Variants in ZNF701 observed in about 807,000 individuals in gnomAD.
ZNF701 encodes zinc finger protein 701.
A neutral mutation model predicts 7.1 loss-of-function variants in ZNF701; 6 were observed. The ratio of observed to expected loss-of-function variants is 0.84; its 90% confidence interval spans 0.46 to 1.66. ZNF701 has a LOEUF of 1.66. ZNF701 is among the 40% of genes most tolerant of loss of function. The probability of loss-of-function intolerance (pLI) is 0.01; values close to 1 mark genes in which losing one functional copy is unlikely to be tolerated. For missense variants in ZNF701, 541 were observed against 559.2 expected, an observed-to-expected ratio of 0.97 and a Z score of 0.33; for synonymous variants, 166 against 188.2, an observed-to-expected ratio of 0.88 and a Z score of 0.97.
At chr19:52,575,484 G>T (rs187778023) in intron 2 of ZNF701, among the ~76,000 whole-genome samples, 2 of 151,654 alleles carry the variant, frequency 1.3e-5, no homozygotes, top group African/African-American at 4.9e-5. Flanking sequence ...TTTGTACTTC[G>T]ATTAATTTTA....
intron 3 of ZNF701, among the ~76,000 whole-genome samples, chr19:52,581,155 G>C (rs1198001267): frequency 1.3e-5 from 2 of 152,084 alleles, no homozygotes; most frequent in African/African-American, 4.8e-5. Flanking sequence ...TTAAAAAAAA[G>C]TCACAAAGTG....
At chr19:52,595,726 T>C in the ZNF701 span, 29 of 1,557,962 alleles carry the variant, frequency 1.9e-5, no homozygotes, top group East Asian at 5.4e-4. Context: ...ACACTGGAGA[T>C]TTTTGCTTCC....
At chr19:52,579,833 C>T (rs115959296) in intron 3 of ZNF701, among the ~76,000 whole-genome samples, 13,987 of 139,418 alleles carry the variant, frequency 0.1, 1,741 homozygotes, top group Middle Eastern at 0.15. Flanking sequence ...GAGATCGCAC[C>T]GTCGCACTCC....
Position 52,584,330 on chromosome 19 carries a change from T to TA in ZNF701, c.*875dup, listed in dbSNP as rs1449735083. 5.2e-6 allele frequency: 1 copy of TA among 190,788 alleles called. No homozygotes were observed. Among genetic ancestry groups the TA allele is most frequent in the Non-Finnish European group, 1.1e-5 (1 of 91,078 alleles). 11.8% of individuals were successfully genotyped at this position (190,788 alleles called of 1,614,324 possible). A position where few individuals can be genotyped will look rare whatever the true frequency, so the allele number is the denominator to read the frequency against. ...TTAATTGACATTAAAGTGTTTATGT[T>TA]AAGAGGATTGGGCCAGGCGTGTGGC... On this transcript the variant is annotated 3_prime_UTR_variant, in exon 4 of 4. Coordinates refer to ENST00000391785, the MANE Select transcript of ZNF701 (RefSeq NM_018260.3).
At chr19:52,578,816 GGT>G (rs1415672660) in intron 3 of ZNF701, among the ~76,000 whole-genome samples, 1 of 152,172 alleles carries the variant, frequency 6.6e-6, no homozygotes, top group Non-Finnish European at 1.5e-5. Flanking sequence ...GGAGTGCAGT[GGT>G]GCGATCTCGG....
chr19:52,578,258 A>AAAG (rs1320157709), intron 3 of ZNF701, among the ~76,000 whole-genome samples: 2 of 149,478 alleles, frequency 1.3e-5, no homozygotes, highest in East Asian at 3.9e-4. Flanking sequence ...CGTCTCAAAA[A>AAAG]AAAAAAAAAA....
At chr19:52,589,936 A>G (rs1464382960), downstream of ZNF701, among the ~76,000 whole-genome samples, 1 of 151,770 alleles carries the variant, frequency 6.6e-6, no homozygotes, top group Non-Finnish European at 1.5e-5. Context: ...TGAGATTACA[A>G]GTGCGCACCA....
At position 52,587,003 on chromosome 19, in the gene ZNF701, A is replaced by G. The variant is rs564322133; in HGVS notation, c.*3546A>G. ...TGTCTCCGCAGCTCTCTGCTGGGAC[A>G]TCAAACAGGCATCTCCACCTTCATG... On this transcript the variant is annotated 3_prime_UTR_variant, in exon 4 of 4. Transcript: ENST00000391785. The G allele has an allele frequency of 2.0e-5, 3 of 152,318 alleles. No individual in the cohort carries two copies. Among genetic ancestry groups the G allele is most frequent in the African/African-American group, 7.2e-5 (3 of 41,558 alleles). 9.4% of individuals were successfully genotyped at this position (152,318 alleles called of 1,614,324 possible).
chr19:52,591,593 A>G (rs962680638), downstream of ZNF701, among the ~76,000 whole-genome samples: 6 of 152,120 alleles, frequency 3.9e-5, no homozygotes, highest in Admixed American at 2.6e-4. Flanking sequence ...GGCTCAAGCA[A>G]TTCTCCTGCC....
intron 3 of ZNF701, among the ~76,000 whole-genome samples, chr19:52,577,244 C>T (rs1050646738): frequency 4.6e-5 from 7 of 152,016 alleles, no homozygotes; most frequent in African/African-American, 9.7e-5. Flanking sequence ...GGACTGTAGG[C>T]GCTCACCACC....
intron 3 of ZNF701, among the ~76,000 whole-genome samples, chr19:52,578,510 G>A (rs1474131171): frequency 6.6e-6 from 1 of 152,130 alleles, no homozygotes; most frequent in Non-Finnish European, 1.5e-5. Flanking sequence ...GGTCCCCCAG[G>A]CCCAGCTGCT....
At position 52,586,106 on chromosome 19, in the gene ZNF701, ATCACAGC is replaced by A. The variant is rs2060010135; in HGVS notation, c.*2654_*2660del. The A allele has an allele frequency of 6.6e-6, 1 of 152,014 alleles. No individual in the cohort carries two copies. The highest frequency in any genetic ancestry group is 1.5e-5 in the Non-Finnish European group (1 of 68,184). 9.4% of individuals were successfully genotyped at this position (152,014 alleles called of 1,614,324 possible). A position where few individuals can be genotyped will look rare whatever the true frequency, so the allele number is the denominator to read the frequency against. ...GCGCAGGCCGAAGAGCGGTGACCGGATCACAGCTCACTGCAGCTTCAACCTCCTGGGC... is the reference window on the plus strand; with the variant it reads ...GCGCAGGCCGAAGAGCGGTGACCGGATCACTGCAGCTTCAACCTCCTGGGC... On this transcript the variant is annotated 3_prime_UTR_variant, in exon 4 of 4. Coordinates refer to ENST00000391785, the MANE Select transcript of ZNF701 (RefSeq NM_018260.3).
chr19:52,574,530 C>T (rs973565741), intron 2 of ZNF701, among the ~76,000 whole-genome samples: 1 of 151,994 alleles, frequency 6.6e-6, no homozygotes, highest in Non-Finnish European at 1.5e-5. Context: ...TGGAAGTGAC[C>T]TATTAATGTG....
intron 1 of ZNF701, chr19:52,570,563 A>G (rs993736921): frequency 2.6e-5 from 4 of 152,000 alleles, no homozygotes; most frequent in Admixed American, 1.3e-4. Flanking sequence ...TACACTTCCT[A>G]TCGCGTAGTT....
In ZNF701 at chr19:52,583,675, A is replaced by G; in HGVS notation, c.*218A>G. The G allele has an allele frequency of 1.0e-6, 1 of 965,090 alleles. No homozygotes were observed. Among genetic ancestry groups the G allele is most frequent in the East Asian group, 2.4e-5 (1 of 41,782 alleles). The allele number at this position is 965,090 out of a possible 1,614,324, so 59.8% of individuals were successfully genotyped here. On this transcript the variant is annotated 3_prime_UTR_variant, in exon 4 of 4. Transcript: ENST00000391785. The stretch of plus-strand genomic sequence containing the variant: ...GGGTGTGATTCACACCTGGCCCAAC[A>G]TACTGGAATTCACACTGGAAAGGAA...
chr19:52,579,246 G>T (rs2059959045), intron 3 of ZNF701, among the ~76,000 whole-genome samples: 1 of 142,106 alleles, frequency 7.0e-6, no homozygotes, highest in South Asian at 2.1e-4. Flanking sequence ...CTTAAAGTTG[G>T]CCAGGCGCGG....
the ZNF701 span, chr19:52,592,264 C>T: frequency 3.9e-6 from 6 of 1,546,286 alleles, no homozygotes; most frequent in Non-Finnish European, 5.3e-6. Context: ...GAGGAATCTG[C>T]CCTTGTCTAT....
chr19:52,577,125 A>G (rs1298728357), intron 3 of ZNF701, among the ~76,000 whole-genome samples: 1 of 152,206 alleles, frequency 6.6e-6, no homozygotes, highest in Non-Finnish European at 1.5e-5. Context: ...TTTATGAAAG[A>G]GTCTCACTGT....
At chr19:52,594,543 C>T in the ZNF701 span, among the ~76,000 whole-genome samples, 1 of 147,618 alleles carries the variant, frequency 6.8e-6, no homozygotes, top group Non-Finnish European at 1.5e-5. Flanking sequence ...GACAGAGTTT[C>T]ACTCTTGTTG....
Sources: gnomAD v4.1 joint callset for allele counts (sites outside exome capture counted in the v4.1 genomes callset) on GRCh38, gnomAD v4.1.1 for gene constraint, MANE v1.5 for transcripts, NCBI Gene and HGNC (gene_info 2026-07-23, HGNC 2026-07-21) for gene names.